OCA2: variants seen among roughly 807,000 people sequenced by gnomAD.
OCA2 encodes the protein OCA2 melanosomal transmembrane protein.
Under a neutral mutation model 100.2 loss-of-function variants are expected in OCA2, and 77 were observed. The observed-to-expected ratio is 0.77, with a 90% CI of 0.64 to 0.93. The LOEUF is 0.93. OCA2 is among the 40% of genes least tolerant of loss of function. The pLI, the probability that OCA2 is intolerant of heterozygous loss-of-function variation, is 0.00. For synonymous variants in OCA2, 432 were observed against 439.2 expected, an observed-to-expected ratio of 0.98 and a Z score of 0.21; for missense variants, 1,062 against 1,089.1, an observed-to-expected ratio of 0.98 and a Z score of 0.35.
At chr15:27,746,724 C>G in the OCA2 span, among the ~76,000 whole-genome samples, 90 of 152,302 alleles carry the variant, frequency 5.9e-4, 2 homozygotes, top group East Asian at 0.014. Flanking sequence ...AGTCTCCTCC[C>G]TCACCCAACT....
At chr15:27,801,922 T>C (rs1383416672) in intron 23 of OCA2, among the ~76,000 whole-genome samples, 1 of 152,186 alleles carries the variant, frequency 6.6e-6, no homozygotes. Flanking sequence ...AACATTTCTA[T>C]TAAACATTTT....
chr15:27,801,705 C>T (rs970983936), intron 23 of OCA2, among the ~76,000 whole-genome samples: 3 of 151,718 alleles, frequency 2.0e-5, no homozygotes, highest in African/African-American at 4.8e-5. Context: ...TTAATAGACA[C>T]ATAGAAGGCA....
At chr15:27,872,585 C>G (rs1229597613) in intron 19 of OCA2, among the ~76,000 whole-genome samples, 2 of 152,190 alleles carry the variant, frequency 1.3e-5, no homozygotes, top group African/African-American at 4.8e-5. Flanking sequence ...GCTCAGCTGC[C>G]CAGCACCTCT....
the OCA2 span, among the ~76,000 whole-genome samples, chr15:27,738,533 A>G: frequency 6.6e-6 from 1 of 152,156 alleles, no homozygotes; most frequent in Non-Finnish European, 1.5e-5. Context: ...CAGGAGATCG[A>G]GACCATCCTG....
chr15:27,839,148 A>T (rs948084978), intron 23 of OCA2, among the ~76,000 whole-genome samples: 2 of 152,248 alleles, frequency 1.3e-5, no homozygotes, highest in Non-Finnish European at 2.9e-5. Context: ...TTATCATTAA[A>T]GATAGACAAA....
chr15:27,961,783 C>A (rs943842330), intron 15 of OCA2, among the ~76,000 whole-genome samples: 1 of 151,942 alleles, frequency 6.6e-6, no homozygotes, highest in Non-Finnish European at 1.5e-5. Context: ...GATCATCACA[C>A]ACCGGGGGCT....
chr15:27,899,218 G>A (rs933620342), intron 19 of OCA2, among the ~76,000 whole-genome samples: 1 of 152,172 alleles, frequency 6.6e-6, no homozygotes, highest in Non-Finnish European at 1.5e-5. Context: ...AAGTAGCACA[G>A]CCCTCTCTAA....
chr15:27,870,684 G>A (rs2036512840), intron 21 of OCA2, among the ~76,000 whole-genome samples: 1 of 11,898 alleles, frequency 8.4e-5, no homozygotes, highest in Non-Finnish European at 1.4e-4. Context: ...AGGAAGGAAA[G>A]AAGGAAGGAA....
rs2038378409 is a variant in OCA2, at chr15:27,911,075, CA to C, written c.2079+15051del. 2.0e-5 allele frequency among the ~76,000 whole-genome samples: 3 copies of C among 152,232 alleles called. No homozygotes were observed. The South Asian group carries it at 6.2e-4, about 32-fold the overall frequency. ...GAGCAAAGGAGAACAGGATAGTAAGCATGAGGAGAGAGTGATACTTCCTTTC... is the reference window on the plus strand; with the variant it reads ...GAGCAAAGGAGAACAGGATAGTAAGCTGAGGAGAGAGTGATACTTCCTTTC... On this transcript the variant is annotated intron_variant, in intron 19 of 23. Transcript: ENST00000354638.
chr15:27,975,183 T>C (rs1017312461), intron 14 of OCA2, among the ~76,000 whole-genome samples: 1 of 152,214 alleles, frequency 6.6e-6, no homozygotes, highest in African/African-American at 2.4e-5. Flanking sequence ...ATTCAGATTG[T>C]GTGTAAGAAA....
intron 7 of OCA2, among the ~76,000 whole-genome samples, chr15:28,016,960 C>A (rs2042413865): frequency 6.6e-6 from 1 of 151,914 alleles, no homozygotes; most frequent in Non-Finnish European, 1.5e-5. Flanking sequence ...TGCACAGGAG[C>A]CCCTGCAAGG....
chr15:27,890,373 G>C (rs1301517810), intron 19 of OCA2, among the ~76,000 whole-genome samples: 1 of 152,120 alleles, frequency 6.6e-6, no homozygotes, highest in African/African-American at 2.4e-5. Flanking sequence ...CTAGGAACAG[G>C]ATAACACGAT....
At chr15:28,072,092 G>A (rs1300616556) in intron 2 of OCA2, among the ~76,000 whole-genome samples, 2 of 152,222 alleles carry the variant, frequency 1.3e-5, no homozygotes, top group African/African-American at 4.8e-5. Flanking sequence ...CCCCGGCCGG[G>A]CACAGTGGCT....
At chr15:27,738,998 C>T in the OCA2 span, among the ~76,000 whole-genome samples, 644 of 152,178 alleles carry the variant, frequency 4.2e-3, 1 homozygote, top group Non-Finnish European at 7.5e-3. Flanking sequence ...CAGGTGGGAC[C>T]CTGAGGCACA....
chr15:27,847,652 T>C (rs79071800), intron 22 of OCA2, among the ~76,000 whole-genome samples: 4,483 of 152,280 alleles, frequency 0.029, 72 homozygotes, highest in Non-Finnish European at 0.032. Context: ...CACAGATGTA[T>C]TGGAAATAAA....
intron 23 of OCA2, among the ~76,000 whole-genome samples, chr15:27,797,979 G>C (rs1293284863): frequency 6.6e-6 from 1 of 152,226 alleles, no homozygotes; most frequent in Non-Finnish European, 1.5e-5. Flanking sequence ...TGAGACAGCA[G>C]CCTGGCGCCA....
chr15:27,780,712 T>C (rs948342977), intron 23 of OCA2, among the ~76,000 whole-genome samples: 5 of 152,176 alleles, frequency 3.3e-5, no homozygotes, highest in East Asian at 1.9e-4. Flanking sequence ...TCAGAATGAG[T>C]TGGACCTGGA....
intron 15 of OCA2, among the ~76,000 whole-genome samples, chr15:27,964,993 T>C (rs1018443870): frequency 2.6e-5 from 4 of 152,220 alleles, no homozygotes; most frequent in African/African-American, 4.8e-5. Context: ...AATCTGTGTA[T>C]CCCAAATTCA....
rs149254219 is a variant in OCA2, at chr15:28,052,723, C to G, written c.228-20560G>C. Among the ~76,000 whole-genome samples the G allele has an allele frequency of 2.6e-3, 401 of 152,308 alleles. 2 individuals are homozygous for G. Among genetic ancestry groups the G allele is most frequent in the Admixed American group, 4.1e-3 (62 of 15,304 alleles). ...TGCATTTTCACAGAGGTCTAATGCCCTGCATTAAGCAAGCTCACAGGCTTC... is the reference window on the plus strand; with the variant it reads ...TGCATTTTCACAGAGGTCTAATGCCGTGCATTAAGCAAGCTCACAGGCTTC... On this transcript the variant is annotated intron_variant, in intron 2 of 23. Transcript: ENST00000354638.
Sources: allele counts gnomAD v4.1 joint callset (sites outside exome capture counted in the v4.1 genomes callset), GRCh38; gene constraint gnomAD v4.1.1; transcripts MANE v1.5; gene names NCBI Gene and HGNC (gene_info 2026-07-23, HGNC 2026-07-21).